Variants in PAK5 observed in about 807,000 individuals in gnomAD.
The protein encoded by PAK5 is serine/threonine-protein kinase PAK 5.
Under a neutral mutation model 65.9 loss-of-function variants are expected in PAK5, and 16 were observed. That is an observed-to-expected ratio of 0.24 (90% CI 0.16 to 0.37). The LOEUF (loss-of-function observed/expected upper bound fraction) is 0.37. PAK5 is among the 10% of genes least tolerant of loss of function. The pLI, the probability that PAK5 is intolerant of heterozygous loss-of-function variation, is 1.00. For synonymous variants in PAK5, 371 were observed against 354.9 expected, an observed-to-expected ratio of 1.05 and a Z score of -0.51; for missense variants, 785 against 903.9, an observed-to-expected ratio of 0.87 and a Z score of 1.69.
chr20:9,691,005 T>A (rs1184160124), intron 2 of PAK5, among the ~76,000 whole-genome samples: 2 of 152,000 alleles, frequency 1.3e-5, no homozygotes, highest in Non-Finnish European at 1.5e-5. Context: ...TCCACCTGCC[T>A]CGGCCTCCCA....
intron 1 of PAK5, among the ~76,000 whole-genome samples, chr20:9,762,666 A>G (rs1012371864): frequency 6.6e-6 from 1 of 152,150 alleles, no homozygotes; most frequent in Admixed American, 6.6e-5. Context: ...TACACTATTT[A>G]TGGGAAGGTA....
intron 2 of PAK5, among the ~76,000 whole-genome samples, chr20:9,701,816 T>G (rs2047942633): frequency 6.6e-6 from 1 of 151,876 alleles, no homozygotes; most frequent in South Asian, 2.1e-4. Flanking sequence ...CAGGGCAACA[T>G]AGCAAGACCT....
At chr20:9,768,459 T>C (rs111926556) in intron 1 of PAK5, among the ~76,000 whole-genome samples, 33,024 of 151,714 alleles carry the variant, frequency 0.22, 4,990 homozygotes, top group African/African-American at 0.43. Context: ...CCTGTATCTA[T>C]AATAAAAGTT....
At chr20:9,637,056 A>G (rs1600177286) in intron 3 of PAK5, among the ~76,000 whole-genome samples, 1 of 152,214 alleles carries the variant, frequency 6.6e-6, no homozygotes, top group East Asian at 1.9e-4. Flanking sequence ...GCTGGAGTGC[A>G]GTGGTTCAAT....
chr20:9,626,875 G>A (rs961001366), intron 3 of PAK5, among the ~76,000 whole-genome samples: 1 of 151,954 alleles, frequency 6.6e-6, no homozygotes, highest in African/African-American at 2.4e-5. Context: ...AATCAAAACT[G>A]TGTAAATACA....
chr20:9,782,921 TTTC>T (rs1288722871), intron 1 of PAK5, among the ~76,000 whole-genome samples: 5 of 132,306 alleles, frequency 3.8e-5, no homozygotes, highest in South Asian at 2.7e-4. Flanking sequence ...TTTCTCTTTC[TTTC>T]TTTTTTTTTT....
At chr20:9,552,352 G>A (rs2045441744) in intron 7 of PAK5, among the ~76,000 whole-genome samples, 1 of 152,210 alleles carries the variant, frequency 6.6e-6, no homozygotes, top group Non-Finnish European at 1.5e-5. Flanking sequence ...CTAGGCCAAG[G>A]AAAGGTCATG....
In PAK5 at chr20:9,713,709, G is replaced by C. The variant is rs567962018; in HGVS notation, c.-161-2274C>G. ...AAAAAGAAATTAATTTCTGTCACTGGCAGCAATACGGATGGAATTGAAGGT... is the reference window on the plus strand; with the variant it reads ...AAAAAGAAATTAATTTCTGTCACTGCCAGCAATACGGATGGAATTGAAGGT... On this transcript the variant is annotated intron_variant, in intron 1 of 9. Transcript: ENST00000353224. 6.6e-5 allele frequency among the ~76,000 whole-genome samples: 10 copies of C among 152,128 alleles called. No homozygotes were observed. In the South Asian group the frequency reaches 2.1e-3, roughly 32 times the overall value.
intron 7 of PAK5, among the ~76,000 whole-genome samples, chr20:9,556,695 G>T (rs1051511054): frequency 7.2e-5 from 11 of 152,206 alleles, no homozygotes; most frequent in African/African-American, 2.7e-4. Flanking sequence ...CCCTGGTGTG[G>T]CTGATGAGTT....
At chr20:9,807,329 C>T (rs1035695987) in intron 1 of PAK5, among the ~76,000 whole-genome samples, 1 of 152,142 alleles carries the variant, frequency 6.6e-6, no homozygotes, top group Non-Finnish European at 1.5e-5. Flanking sequence ...TGTCATCTCC[C>T]TTTTAACAGC....
At chr20:9,623,114 G>A (rs983385711) in intron 3 of PAK5, among the ~76,000 whole-genome samples, 3 of 152,196 alleles carry the variant, frequency 2.0e-5, no homozygotes, top group African/African-American at 7.2e-5. Flanking sequence ...GTGTCACAAG[G>A]AGTGGAGAAA....
At chr20:9,770,750 A>T (rs763770459) in intron 1 of PAK5, among the ~76,000 whole-genome samples, 18 of 152,190 alleles carry the variant, frequency 1.2e-4, no homozygotes, top group Admixed American at 2.6e-4. Flanking sequence ...AGGGGGTAGG[A>T]TGCATGGACT....
chr20:9,589,439 T>C (rs1316986450), intron 3 of PAK5, among the ~76,000 whole-genome samples: 3 of 152,224 alleles, frequency 2.0e-5, no homozygotes, highest in African/African-American at 7.2e-5. Flanking sequence ...TACCAATAGA[T>C]ATTTTATCTA....
intron 1 of PAK5, among the ~76,000 whole-genome samples, chr20:9,742,496 A>G (rs1188518919): frequency 6.6e-6 from 1 of 152,114 alleles, no homozygotes; most frequent in Non-Finnish European, 1.5e-5. Flanking sequence ...ACTGATGATC[A>G]CTCTCTTAGC....
intron 2 of PAK5, among the ~76,000 whole-genome samples, chr20:9,658,157 G>C (rs187889598): frequency 3.9e-5 from 6 of 152,324 alleles, no homozygotes; most frequent in African/African-American, 1.4e-4. Flanking sequence ...GAGTAGATTA[G>C]TTGATCAGTT....
chr20:9,634,659 A>G (rs2046962533), intron 3 of PAK5, among the ~76,000 whole-genome samples: 1 of 152,192 alleles, frequency 6.6e-6, no homozygotes, highest in Non-Finnish European at 1.5e-5. Flanking sequence ...TCCAGATTGG[A>G]TGGGATCATA....
rs546523812 is a variant in PAK5, at chr20:9,758,930, G to T, written c.-161-47495C>A. 2.0e-5 allele frequency among the ~76,000 whole-genome samples: 3 copies of T among 152,170 alleles called. No individual in the cohort carries two copies. In the East Asian group the frequency reaches 5.8e-4, roughly 30 times the overall value. On this transcript the variant is annotated intron_variant, in intron 1 of 9. Coordinates refer to ENST00000353224, the MANE Select transcript of PAK5 (RefSeq NM_177990.4). Reference sequence around the variant, plus strand: ...TTTTACCAACAAAACAGGCTCTGGGGCTCAGGTTTCAGAGCCCACTGAGTG... The same window carrying T: ...TTTTACCAACAAAACAGGCTCTGGGTCTCAGGTTTCAGAGCCCACTGAGTG...
chr20:9,603,501 C>T (rs566885295), intron 3 of PAK5, among the ~76,000 whole-genome samples: 34 of 152,180 alleles, frequency 2.2e-4, no homozygotes, highest in Admixed American at 2.2e-3. Flanking sequence ...CTGGCTGATC[C>T]CCAGCTCACA....
intron 3 of PAK5, among the ~76,000 whole-genome samples, chr20:9,610,844 A>T (rs2046545462): frequency 6.6e-6 from 1 of 152,156 alleles, no homozygotes; most frequent in African/African-American, 2.4e-5. Context: ...CTATGTCATG[A>T]ATGAGATTAG....
Sources: gnomAD v4.1 joint callset for allele counts (sites outside exome capture counted in the v4.1 genomes callset) on GRCh38, gnomAD v4.1.1 for gene constraint, MANE v1.5 for transcripts, NCBI Gene and HGNC (gene_info 2026-07-23, HGNC 2026-07-21) for gene names.